Variants in AADACL3 observed in about 807,000 individuals in gnomAD.
The protein encoded by AADACL3 is arylacetamide deacetylase-like 3.
In AADACL3, 13 loss-of-function variants were observed where a neutral mutation model predicts 13.6. The ratio of observed to expected loss-of-function variants is 0.95; its 90% CI spans 0.62 to 1.52. The LOEUF (loss-of-function observed/expected upper bound fraction) is 1.52. Among genes scored for constraint, AADACL3 ranks in the 40% most tolerant of loss-of-function variants. The pLI is 0.00. For synonymous variants in AADACL3, 195 were observed against 197.0 expected, an observed-to-expected ratio of 0.99 and a Z score of 0.08; for missense variants, 519 against 499.2, an observed-to-expected ratio of 1.04 and a Z score of -0.38.
chr1:12,719,772 C>A, intron 2 of AADACL3, 81 bp downstream of exon 2: 1 of 1,380,514 alleles, frequency 7.2e-7, no homozygotes, highest in Non-Finnish European at 1.0e-6. Context: ...CTTCCTGGGA[C>A]TTAAAGTATG....
At chr1:12,718,887 G>A (rs998418448) in intron 1 of AADACL3, among the ~76,000 whole-genome samples, 2 of 152,136 alleles carry the variant, frequency 1.3e-5, no homozygotes, top group African/African-American at 4.8e-5. Flanking sequence ...CTGACTCCTG[G>A]CCTGTCTCCC....
In AADACL3 at chr1:12,725,766, A is replaced by T; in HGVS notation, c.994A>T (p.Ile332Leu). The T allele has an allele frequency of 6.2e-7, 1 of 1,614,140 alleles. No homozygotes were observed. The highest frequency in any genetic ancestry group is 8.5e-7 in the Non-Finnish European group (1 of 1,180,032). The change falls in exon 4 of 4, where the codon ATA (isoleucine) becomes TTA (leucine). Residue 332 changes from isoleucine to leucine, a missense_variant. Ile to Leu is a conservative substitution (Grantham distance 5). Coordinates refer to ENST00000359318, the MANE Select transcript of AADACL3 (RefSeq NM_001103170.3). The part of the protein sequence containing the change: ...MCSPLIAEDD[I>L]VSQLPETCIV... ...CTCGCCCCTGATTGCAGAAGATGAC[A>T]TAGTGTCTCAGCTCCCGGAAACCTG...
intron 1 of AADACL3, among the ~76,000 whole-genome samples, chr1:12,717,523 G>A (rs934871003): frequency 6.6e-6 from 1 of 152,156 alleles, no homozygotes; most frequent in African/African-American, 2.4e-5. Flanking sequence ...TATTTTTTAT[G>A]CAAAGATGTG....
At position 12,726,040 on chromosome 1, in the gene AADACL3, C is replaced by T. The variant is rs1396163929; in HGVS notation, c.*44C>T. The T allele has an allele frequency of 1.9e-6, 3 of 1,556,986 alleles. No homozygotes were observed. Among genetic ancestry groups the T allele is most frequent in the South Asian group, 1.2e-5 (1 of 80,984 alleles). On this transcript the variant is annotated 3_prime_UTR_variant, in exon 4 of 4. Coordinates refer to ENST00000359318, the MANE Select transcript of AADACL3 (RefSeq NM_001103170.3). ...GGTACTGCGGTGTGGATTCCACTGGCATCCAGCCTCCCACAGGGCTCTCTG... is the reference window on the plus strand; with the variant it reads ...GGTACTGCGGTGTGGATTCCACTGGTATCCAGCCTCCCACAGGGCTCTCTG...
chr1:12,725,236 C>A lies in AADACL3; in HGVS notation c.464C>A (p.Pro155His). 1.9e-6 allele frequency: 3 copies of A among 1,601,552 alleles called. No individual in the cohort carries two copies. Among genetic ancestry groups the A allele is most frequent in the Non-Finnish European group, 2.6e-6 (3 of 1,174,592 alleles). The change falls in exon 4 of 4, where the codon CCT becomes CAT. Residue 155 changes from proline to histidine, a missense_variant. Pro to His is a moderately conservative substitution (Grantham distance 77). Coordinates refer to ENST00000359318, the MANE Select transcript of AADACL3 (RefSeq NM_001103170.3). ...VVLAVGYRKL[P>H]KHKFPVPVRD... ...TTCCTTTTTAGTTACCGCAAGTTAC[C>A]TAAGCATAAGTTTCCAGTGCCAGTA...
At chr1:12,719,762 C>A in intron 2 of AADACL3, 71 bp downstream of exon 2, 1 of 1,429,956 alleles carries the variant, frequency 7.0e-7, no homozygotes, top group South Asian at 1.2e-5. Flanking sequence ...GAATGGGCAT[C>A]TTCCTGGGAC....
In AADACL3 at chr1:12,719,652, G is replaced by A. The variant is rs149484219; in HGVS notation, c.346G>A (p.Val116Met). The A allele has an allele frequency of 1.5e-4, 243 of 1,614,150 alleles. 1 individual carries two copies. The African/African-American group carries it at 2.3e-3, about 15-fold the overall frequency. ...ASTCTLKPGI[V>M]YYHGGGGVMG... Reference sequence around the variant, plus strand: ...CACCTGCACCCTGAAGCCTGGCATCGTGTACTACCACGGTGGCGGGGGCGT... The same window carrying A: ...CACCTGCACCCTGAAGCCTGGCATCATGTACTACCACGGTGGCGGGGGCGT... Residue 116 changes from valine to methionine, a missense_variant, in exon 2 of 4, where the codon GTG (valine) becomes ATG (methionine). Val to Met is a conservative substitution (Grantham distance 21). Coordinates refer to ENST00000359318, the MANE Select transcript of AADACL3 (RefSeq NM_001103170.3).
In AADACL3 at chr1:12,716,345, G is replaced by T; in HGVS notation, c.168+1G>T. 2 of 1,614,176 alleles carry T rather than the reference G, an allele frequency of 1.2e-6. No homozygotes were observed. The highest frequency in any genetic ancestry group is 2.2e-5 in the South Asian group (2 of 91,082). On this transcript the variant is annotated splice_donor_variant, in intron 1 of 3. Transcript: ENST00000359318. LOFTEE classifies it high-confidence loss of function. ...CATCTTCCAGCTGCTGTTGACTTGG[G>T]TGAGTTTTGTGCTTTATGTGTCCCC... is the stretch of plus-strand genomic sequence containing the variant.
At chr1:12,723,028 C>T (rs1638299350) in intron 3 of AADACL3, among the ~76,000 whole-genome samples, 2 of 152,164 alleles carry the variant, frequency 1.3e-5, no homozygotes, top group East Asian at 1.9e-4. Flanking sequence ...TATTTTACTA[C>T]TTTTATGTTT....
At chr1:12,718,413 A>G (rs1420644797) in intron 1 of AADACL3, among the ~76,000 whole-genome samples, 1 of 151,758 alleles carries the variant, frequency 6.6e-6, no homozygotes, top group Non-Finnish European at 1.5e-5. Context: ...GCTTTTCCCA[A>G]GGCCAAAATG....
At chr1:12,724,025 C>T (rs992675112) in intron 3 of AADACL3, among the ~76,000 whole-genome samples, 87 of 147,844 alleles carry the variant, frequency 5.9e-4, no homozygotes, top group Middle Eastern at 4.0e-3. Flanking sequence ...CTCAGGTGAT[C>T]CACCTGCCTC....
chr1:12,718,638 AG>A (rs1466053686), intron 1 of AADACL3, among the ~76,000 whole-genome samples: 1 of 152,102 alleles, frequency 6.6e-6, no homozygotes, highest in Non-Finnish European at 1.5e-5. Flanking sequence ...CCGGGAATAC[AG>A]GAGCCCACCA....
intron 3 of AADACL3, among the ~76,000 whole-genome samples, chr1:12,721,390 G>A (rs1277830842): frequency 6.6e-6 from 1 of 152,078 alleles, no homozygotes; most frequent in Non-Finnish European, 1.5e-5. Flanking sequence ...ACAAGACCCT[G>A]TCTTAAAACA....
At chr1:12,720,325 T>A (rs1193400881) in intron 2 of AADACL3, among the ~76,000 whole-genome samples, 1 of 152,152 alleles carries the variant, frequency 6.6e-6, no homozygotes, top group Non-Finnish European at 1.5e-5. Flanking sequence ...AATAAAGGAT[T>A]TAATGCAATG....
rs574600547 is a variant in AADACL3 at position 12,716,163 on chromosome 1, G to T, written c.-14G>T. 6.5e-6 allele frequency: 5 copies of T among 772,792 alleles called. No homozygotes were observed. The South Asian group carries it at 7.8e-5, about 12-fold the overall frequency. The allele number at this position is 772,792 out of a possible 1,614,324, so 47.9% of individuals were successfully genotyped here. ...GCACAGCTTCCTCTCAGCCCGCTCT[G>T]AGCTGGAAGCAGCATGTGGGACCTG... On this transcript the variant is annotated 5_prime_UTR_variant, in exon 1 of 4. An upstream open reading frame in the 5' UTR gains an earlier in-frame stop. Transcript: ENST00000359318.
chr1:12,724,340 T>C (rs993012821), intron 3 of AADACL3, among the ~76,000 whole-genome samples: 1 of 152,122 alleles, frequency 6.6e-6, no homozygotes, highest in Non-Finnish European at 1.5e-5. Context: ...GGGAGGAAAC[T>C]GGAGGACTGG....
chr1:12,716,200 C>G lies in AADACL3; in HGVS notation c.24C>G (p.Phe8Leu). MWDLALI[F>L]LAAACVFSLG... Reference sequence around the variant, plus strand: ...GCATGTGGGACCTGGCCCTGATCTTCCTCGCAGCAGCCTGCGTGTTCTCAC... The same window carrying G: ...GCATGTGGGACCTGGCCCTGATCTTGCTCGCAGCAGCCTGCGTGTTCTCAC... Residue 8 changes from phenylalanine (F) to leucine (L), a missense_variant, in exon 1 of 4, where the codon TTC (phenylalanine) becomes TTG (leucine). Physicochemically the swap from Phe to Leu is conservative, Grantham distance 22. Transcript: ENST00000359318. 1 of 1,073,134 alleles carries G rather than the reference C, an allele frequency of 9.3e-7. No individual in the cohort carries two copies. Among genetic ancestry groups the G allele is most frequent in the Non-Finnish European group, 1.4e-6 (1 of 694,580 alleles). 66.5% of individuals were successfully genotyped at this position (1,073,134 alleles called of 1,614,324 possible). A position where few individuals can be genotyped will look rare whatever the true frequency, so the allele number is the denominator to read the frequency against.
chr1:12,726,314 G>A lies in AADACL3; in HGVS notation c.*318G>A. The A allele has an allele frequency of 3.0e-6, 1 of 332,734 alleles. No individual in the cohort carries two copies. The highest frequency in any genetic ancestry group is 5.5e-6 in the Non-Finnish European group (1 of 181,636). 20.6% of individuals were successfully genotyped at this position (332,734 alleles called of 1,614,324 possible). ...GAGCTGTTCTCAGCCTCCCTAAGGG[G>A]CAGTTCAGGCTCCCAGATTGATCCA... On this transcript the variant is annotated 3_prime_UTR_variant, in exon 4 of 4. Transcript: ENST00000359318.
intron 2 of AADACL3, among the ~76,000 whole-genome samples, chr1:12,720,014 T>G (rs1648533995): frequency 6.6e-6 from 1 of 152,226 alleles, no homozygotes. Context: ...TGTATACATG[T>G]ATATTTCACT....
Sources: gnomAD v4.1 joint callset for allele counts (sites outside exome capture counted in the v4.1 genomes callset) on GRCh38, gnomAD v4.1.1 for gene constraint, MANE v1.5 for transcripts, NCBI Gene and HGNC (gene_info 2026-07-23, HGNC 2026-07-21) for gene names.